The following GRID2 variants were observed in gnomAD, a reference collection of about 807,000 sequenced individuals.
The protein encoded by GRID2 is glutamate ionotropic receptor delta type subunit 2.
A neutral mutation model predicts 114.8 loss-of-function variants in GRID2; 33 were observed. The observed-to-expected ratio is 0.29, with a 90% CI of 0.22 to 0.38. The LOEUF is 0.38. Among genes scored for constraint, GRID2 ranks in the 10% least tolerant of loss-of-function variants. The probability of loss-of-function intolerance (pLI) is 1.00; values close to 1 mark genes in which losing one functional copy is unlikely to be tolerated. For synonymous variants in GRID2, 505 were observed against 449.9 expected, an observed-to-expected ratio of 1.12 and a Z score of -1.55; for missense variants, 1,184 against 1,257.7, an observed-to-expected ratio of 0.94 and a Z score of 0.89.
At chr4:93,411,311 TTGC>T (rs1767106851) in intron 9 of GRID2, among the ~76,000 whole-genome samples, 1 of 152,168 alleles carries the variant, frequency 6.6e-6, no homozygotes, top group Non-Finnish European at 1.5e-5. Flanking sequence ...ATATGAATAT[TTGC>T]TGCTATTATT....
chr4:92,660,121 G>A (rs1395695867), intron 2 of GRID2, among the ~76,000 whole-genome samples: 2 of 151,266 alleles, frequency 1.3e-5, no homozygotes, highest in Non-Finnish European at 3.0e-5. Flanking sequence ...ATGCCTTAAT[G>A]TAGAAATCAT....
At chr4:93,075,864 G>A (rs1054553876) in intron 2 of GRID2, among the ~76,000 whole-genome samples, 1 of 146,830 alleles carries the variant, frequency 6.8e-6, no homozygotes, top group East Asian at 2.0e-4. Context: ...GTAAGTATTG[G>A]GATGTCGAAG....
chr4:92,774,240 G>A (rs1384999622), intron 2 of GRID2, among the ~76,000 whole-genome samples: 1 of 152,060 alleles, frequency 6.6e-6, no homozygotes, highest in Non-Finnish European at 1.5e-5. Context: ...GCATGGGATA[G>A]GCCATGGAGG....
chr4:93,394,980 T>A (rs1765194863), intron 8 of GRID2, among the ~76,000 whole-genome samples: 1 of 152,030 alleles, frequency 6.6e-6, no homozygotes, highest in African/African-American at 2.4e-5. Flanking sequence ...ATTAAACTAC[T>A]ATTTGGGTGA....
At position 93,110,793 on chromosome 4, in the gene GRID2, G is replaced by T. The variant is rs1732688097; in HGVS notation, c.575G>T (p.Gly192Val). The T allele has an allele frequency of 1.9e-6, 3 of 1,613,042 alleles. No individual in the cohort carries two copies. The highest frequency in any genetic ancestry group is 2.7e-5 in the African/African-American group (2 of 74,994). ...QEFLDKVSQQ[G>V]MDVALQKVEN... ...TTCTTGGACAAAGTCTCTCAGCAGG[G>T]AATGGATGTTGCACTTCAGAAGGTA... The change falls in exon 4 of 16, where the codon GGA becomes GTA. Residue 192 changes from glycine to valine, a missense_variant. Around this residue, in one of 3 missense-constraint regions of GRID2, gnomAD observed 455 missense variants for 429.5 expected, o/e 1.06. Transcript: ENST00000282020.
chr4:93,517,876 G>A (rs998969724), intron 13 of GRID2, among the ~76,000 whole-genome samples: 4 of 149,674 alleles, frequency 2.7e-5, no homozygotes. Context: ...ATAATATCTT[G>A]GGCAAGAATC....
intron 1 of GRID2, among the ~76,000 whole-genome samples, chr4:92,387,705 A>G (rs1003304545): frequency 1.3e-5 from 2 of 151,986 alleles, no homozygotes; most frequent in African/African-American, 4.8e-5. Flanking sequence ...TTCAGAAGCC[A>G]TTACTAGAAC....
intron 2 of GRID2, among the ~76,000 whole-genome samples, chr4:93,037,912 G>T (rs892032540): frequency 2.0e-5 from 3 of 152,120 alleles, no homozygotes; most frequent in Non-Finnish European, 4.4e-5. Context: ...GATTGTCTTG[G>T]CTATGCAGAC....
chr4:93,428,279 ATAAAG>A (rs1769044385), intron 10 of GRID2, among the ~76,000 whole-genome samples: 1 of 152,164 alleles, frequency 6.6e-6, no homozygotes, highest in South Asian at 2.1e-4. Context: ...AAAGATTTCT[ATAAAG>A]TAAAAAAATA....
intron 14 of GRID2, among the ~76,000 whole-genome samples, chr4:93,748,915 C>T (rs964454969): frequency 2.0e-5 from 3 of 152,102 alleles, no homozygotes; most frequent in Non-Finnish European, 2.9e-5. Context: ...TTGGCAAGAA[C>T]TCCTACCAAG....
At chr4:93,608,284 T>C in intron 13 of GRID2, among the ~76,000 whole-genome samples, 1 of 114,856 alleles carries the variant, frequency 8.7e-6, no homozygotes, top group East Asian at 2.5e-4. Context: ...CAACTGAAAA[T>C]TATTTTTTTT....
At chr4:92,494,446 ATTTAGTGTGTTTCTTAT>A (rs1172653579) in intron 1 of GRID2, among the ~76,000 whole-genome samples, 1 of 152,036 alleles carries the variant, frequency 6.6e-6, no homozygotes, top group Non-Finnish European at 1.5e-5. Flanking sequence ...ACACAGAAAC[ATTTAGTGTGTTTCTTAT>A]TTTACATGTC....
chr4:93,349,774 C>T (rs538287775), intron 8 of GRID2, among the ~76,000 whole-genome samples: 34 of 151,850 alleles, frequency 2.2e-4, no homozygotes, highest in Middle Eastern at 3.4e-3. Flanking sequence ...TTATTTAAAA[C>T]CGAAAACAAA....
chr4:92,966,690 C>G (rs1753179686), intron 2 of GRID2, among the ~76,000 whole-genome samples: 1 of 151,834 alleles, frequency 6.6e-6, no homozygotes, highest in Non-Finnish European at 1.5e-5. Context: ...ATGTCTTTTT[C>G]TTTCTTCACC....
intron 1 of GRID2, among the ~76,000 whole-genome samples, chr4:92,341,930 T>A (rs960953066): frequency 5.6e-5 from 8 of 141,940 alleles, no homozygotes; most frequent in South Asian, 4.5e-4. Context: ...AAAAAAAAAA[T>A]GTTTATGTAG....
intron 8 of GRID2, among the ~76,000 whole-genome samples, chr4:93,337,409 C>T (rs1216734953): frequency 6.6e-6 from 1 of 152,176 alleles, no homozygotes; most frequent in Non-Finnish European, 1.5e-5. Context: ...GAGGACCTCA[C>T]TGAGGTGACA....
At chr4:93,549,319 G>A (rs1439060801) in intron 13 of GRID2, among the ~76,000 whole-genome samples, 2 of 152,118 alleles carry the variant, frequency 1.3e-5, no homozygotes, top group Non-Finnish European at 2.9e-5. Flanking sequence ...GATAAAATTA[G>A]TATATGATAA....
chr4:93,454,121 A>G (rs1040679443), intron 10 of GRID2, among the ~76,000 whole-genome samples: 1 of 152,088 alleles, frequency 6.6e-6, no homozygotes, highest in Non-Finnish European at 1.5e-5. Flanking sequence ...GTTCATTTTC[A>G]TATAGCGTTA....
At chr4:92,347,871 A>G (rs1727853667) in intron 1 of GRID2, among the ~76,000 whole-genome samples, 1 of 152,162 alleles carries the variant, frequency 6.6e-6, no homozygotes. Context: ...TTGTAATATT[A>G]CGTAATTGTA....
Sources: allele counts gnomAD v4.1 joint callset (sites outside exome capture counted in the v4.1 genomes callset), GRCh38; gene constraint gnomAD v4.1.1; regional missense constraint gnomAD v4.1.1; transcripts MANE v1.5; gene names NCBI Gene and HGNC (gene_info 2026-07-23, HGNC 2026-07-21).